MOB3C: variants seen among roughly 807,000 people sequenced by gnomAD.
The protein encoded by MOB3C is MOB1, Mps One Binder kinase activator-like 2C.
MOB3C carries 17 observed loss-of-function variants against 19.8 expected under a neutral mutation model. That is an observed-to-expected ratio of 0.86 (90% CI 0.59 to 1.29). MOB3C has a LOEUF of 1.29. MOB3C is among the 50% of genes most tolerant of loss of function. The pLI is 0.00. For missense variants in MOB3C, 291 were observed against 301.9 expected (o/e 0.96, Z 0.27); for synonymous variants, 101 against 119.2 (o/e 0.85, Z 0.99).
rs1675473501 is a variant in MOB3C, at chr1:46,611,836, A to G, written c.418+1068T>C. On this transcript the variant is annotated intron_variant, in intron 2 of 3. Coordinates refer to ENST00000319928, the MANE Select transcript of MOB3C (RefSeq NM_201403.3). The surrounding 1 kb of genome is among the most constrained non-coding windows in gnomAD (Gnocchi z 4.1). ...ATGACAGTGCAAGAAACAGCAGGCC[A>G]CTGGCTGGGGAGGAGCCGTGGGCAT... Among the ~76,000 whole-genome samples, 2 of 152,180 alleles carry G rather than the reference A, an allele frequency of 1.3e-5. No homozygotes were observed. The highest frequency in any genetic ancestry group is 2.9e-5 in the Non-Finnish European group (2 of 68,030).
At chr1:46,614,807 CT>C (rs1675533441) in intron 1 of MOB3C, 2 of 579,032 alleles carry the variant, frequency 3.5e-6, no homozygotes, top group Non-Finnish European at 6.1e-6. Context: ...AGGGGTATTA[CT>C]TCTGGCAAGA....
chr1:46,613,019 C>T lies in MOB3C; in HGVS notation c.303G>A (p.Gln101=), dbSNP rs1241832543. 19 of 1,613,566 alleles carry T rather than the reference C, an allele frequency of 1.2e-5. No individual in the cohort carries two copies. The highest frequency in any genetic ancestry group is 6.7e-5 in the Admixed American group (4 of 59,980). The stretch of plus-strand genomic sequence containing the variant: ...CGGGCCGCCGGTACTGGCGCTCGTC[C>T]TGCCAGCGGTACTCGTAGCGGGGCC... ...AGGPRYEYRW[Q]DERQYRRPAK... is the part of the protein sequence containing the mutation. The change falls in exon 2 of 4, where the codon CAG becomes CAA. Residue 101 remains glutamine (Q), a synonymous_variant. Transcript: ENST00000319928.
chr1:46,615,447 C>G (rs80159866), intron 1 of MOB3C: 3,451 of 228,422 alleles, frequency 0.015, 69 homozygotes, highest in African/African-American at 0.047. Context: ...TCATTGCAGT[C>G]TCCACTCCAT....
chr1:46,609,400 C>T lies in MOB3C; in HGVS notation c.*255G>A, dbSNP rs1430222150. 3.4e-6 allele frequency: 2 copies of T among 581,816 alleles called. No individual in the cohort carries two copies. Among genetic ancestry groups the T allele is most frequent in the Non-Finnish European group, 6.2e-6 (2 of 324,746 alleles). The allele number at this position is 581,816 out of a possible 1,614,324, so 36.0% of individuals were successfully genotyped here. ...CATAGAAGAAACCCCCTAGCCTACCCTACTCCCAGACTTCATGCCAGAGGT... is the reference window on the plus strand; with the variant it reads ...CATAGAAGAAACCCCCTAGCCTACCTTACTCCCAGACTTCATGCCAGAGGT... On this transcript the variant is annotated 3_prime_UTR_variant, in exon 4 of 4. Coordinates refer to ENST00000319928, the MANE Select transcript of MOB3C (RefSeq NM_201403.3).
chr1:46,609,807 C>A, intron 3 of MOB3C, 123 bp from the exon 4 acceptor site: 1 of 1,392,120 alleles, frequency 7.2e-7, no homozygotes, highest in Non-Finnish European at 9.9e-7. Flanking sequence ...AACCCCAACT[C>A]TTAGGCTGCA....
rs1200684900 is a variant in MOB3C at position 46,608,055 on chromosome 1, C to T, written c.*1600G>A. 1 of 152,274 alleles carries T rather than the reference C, an allele frequency of 6.6e-6. No individual in the cohort carries two copies. The highest frequency in any genetic ancestry group is 1.5e-5 in the Non-Finnish European group (1 of 68,078). 9.4% of individuals were successfully genotyped at this position (152,274 alleles called of 1,614,324 possible). On this transcript the variant is annotated 3_prime_UTR_variant, in exon 4 of 4. Coordinates refer to ENST00000319928, the MANE Select transcript of MOB3C (RefSeq NM_201403.3). The surrounding 1 kb of genome is among the most constrained non-coding windows in gnomAD (Gnocchi z 4.5). ...TTGGATGCTTGGCTCAGGAAACAACCCCAGCCAACCCAAGGGGCAGTGGGA... is the reference window on the plus strand; with the variant it reads ...TTGGATGCTTGGCTCAGGAAACAACTCCAGCCAACCCAAGGGGCAGTGGGA...
chr1:46,610,143 T>C lies in MOB3C; in HGVS notation c.480A>G (p.Arg160=). Residue 160 remains arginine (R), a synonymous_variant, in exon 3 of 4, where the codon CGA becomes CGG. Coordinates refer to ENST00000319928, the MANE Select transcript of MOB3C (RefSeq NM_201403.3). ...VCTKILTRLF[R]VFVHVYIHHF... is the part of the protein sequence containing the mutation. ...GGTGGATGTAGACATGGACAAAGAC[T>C]CGGAAGAGGCGGGTCAGGATCTTGG... 1 of 1,614,070 alleles carries C rather than the reference T, an allele frequency of 6.2e-7. No individual in the cohort carries two copies. The highest frequency in any genetic ancestry group is 8.5e-7 in the Non-Finnish European group (1 of 1,180,016).
rs1381725443 is a variant in MOB3C at position 46,611,983 on chromosome 1, TGGG to T, written c.418+918_418+920del. Reference sequence around the variant, plus strand: ...CTGCAGAGATGAGCTCCAGGCCAGGTGGGGGCTGGGCCCAGCTACAGGTGCGGC... The same window carrying T: ...CTGCAGAGATGAGCTCCAGGCCAGGTGGCTGGGCCCAGCTACAGGTGCGGC... On this transcript the variant is annotated intron_variant, in intron 2 of 3. Transcript: ENST00000319928. This position sits in a 1 kb window ranked among gnomAD's most constrained non-coding sequence, Gnocchi z 4.1. Among the ~76,000 whole-genome samples the T allele has an allele frequency of 6.6e-6, 1 of 152,108 alleles. No homozygotes were observed. Among genetic ancestry groups the T allele is most frequent in the African/African-American group, 2.4e-5 (1 of 41,410 alleles).
chr1:46,616,725 C>T lies in MOB3C; in HGVS notation c.-65G>A, dbSNP rs1675567807. On this transcript the variant is annotated 5_prime_UTR_variant, in exon 1 of 4. Coordinates refer to ENST00000319928, the MANE Select transcript of MOB3C (RefSeq NM_201403.3). ...CGCACACTCACGGGTCCTCTTCTGG[C>T]CGTGGGGTCACATTCCCAGCCACAG... 1 of 152,350 alleles carries T rather than the reference C, an allele frequency of 6.6e-6. No homozygotes were observed. Among genetic ancestry groups the T allele is most frequent in the African/African-American group, 2.4e-5 (1 of 41,440 alleles). 9.4% of individuals were successfully genotyped at this position (152,350 alleles called of 1,614,324 possible). A position where few individuals can be genotyped will look rare whatever the true frequency, so the allele number is the denominator to read the frequency against.
At position 46,613,206 on chromosome 1, in the gene MOB3C, T is replaced by C. The variant is rs774496217; in HGVS notation, c.116A>G (p.Lys39Arg). 8.1e-6 allele frequency: 13 copies of C among 1,614,102 alleles called. No individual in the cohort carries two copies. In the South Asian group the frequency reaches 1.1e-4, roughly 14 times the overall value. Reference protein sequence around the residue: ...ELYKKAQASLKSGLDLRSVVR... With the variant: ...ELYKKAQASLRSGLDLRSVVR... ...CACACTGCGCAGGTCCAGGCCCGAC[T>C]TGAGAGAGGCCTGTGCCTTCTTGTA... Residue 39 changes from lysine (K) to arginine (R), a missense_variant, in exon 2 of 4, where the codon AAG (lysine) becomes AGG (arginine). By Grantham distance (26) the Lys-to-Arg change is conservative. Coordinates refer to ENST00000319928, the MANE Select transcript of MOB3C (RefSeq NM_201403.3).
At chr1:46,612,768 GTT>G (rs1675490123) in intron 2 of MOB3C, 134 bp downstream of exon 2, 26 of 860,644 alleles carry the variant, frequency 3.0e-5, no homozygotes, top group Non-Finnish European at 4.0e-5. Context: ...CACTTAACCT[GTT>G]TCAACCTCGC....
At chr1:46,610,645 A>C (rs902044388) in intron 2 of MOB3C, among the ~76,000 whole-genome samples, 1 of 152,138 alleles carries the variant, frequency 6.6e-6, no homozygotes, top group African/African-American at 2.4e-5. Context: ...GTCCTCCTAA[A>C]TGCTGGGATT....
At chr1:46,609,739 C>A in intron 3 of MOB3C, 55 bp from the exon 4 acceptor site, 1 of 1,607,358 alleles carries the variant, frequency 6.2e-7, no homozygotes, top group South Asian at 1.1e-5. Flanking sequence ...ACTAGGCAAT[C>A]CCTTCCCAAA....
Position 46,613,285 on chromosome 1 carries a change from T to G in MOB3C, c.37A>C (p.Lys13Gln). ...AAGCGCTTCCGCGGCCGGAACGTCT[T>G]GTCCTTGGCGAACACCTGCTTCAGG... Reference protein sequence around the residue: ...LCLKQVFAKDKTFRPRKRFEP... With the variant: ...LCLKQVFAKDQTFRPRKRFEP... The change falls in exon 2 of 4, where the codon AAG (lysine) becomes CAG (glutamine). Residue 13 changes from lysine to glutamine, a missense_variant. Coordinates refer to ENST00000319928, the MANE Select transcript of MOB3C (RefSeq NM_201403.3). 6.2e-7 allele frequency: 1 copy of G among 1,609,994 alleles called. No individual in the cohort carries two copies. The highest frequency in any genetic ancestry group is 8.5e-7 in the Non-Finnish European group (1 of 1,180,014).
chr1:46,610,360 C>T (rs1402885054), intron 2 of MOB3C, among the ~76,000 whole-genome samples, 156 bp from the exon 3 acceptor site: 2 of 152,184 alleles, frequency 1.3e-5, no homozygotes, highest in East Asian at 3.8e-4. Context: ...TTGACTTTCT[C>T]CCATACTTTT....
In MOB3C at chr1:46,608,923, A is replaced by G. The variant is rs1024273737; in HGVS notation, c.*732T>C. On this transcript the variant is annotated 3_prime_UTR_variant, in exon 4 of 4. Transcript: ENST00000319928. The surrounding 1 kb of genome is among the most constrained non-coding windows in gnomAD (Gnocchi z 4.5). ...GTGTCTGCAGTGGGTCGGTTTAGGA[A>G]CTCAAGGCAAGGCTCCTCTTCCTAC... The G allele has an allele frequency of 1.3e-5, 2 of 152,928 alleles. No individual in the cohort carries two copies. Among genetic ancestry groups the G allele is most frequent in the Non-Finnish European group, 2.9e-5 (2 of 68,500 alleles). 9.5% of individuals were successfully genotyped at this position (152,928 alleles called of 1,614,324 possible).
rs1557915347 is a variant in MOB3C, at chr1:46,610,108, CT to C, written c.514del (p.Ser172AlafsTer36). 2 of 1,614,170 alleles carry C rather than the reference CT, an allele frequency of 1.2e-6. No individual in the cohort carries two copies. Among genetic ancestry groups the C allele is most frequent in the Non-Finnish European group, 1.7e-6 (2 of 1,180,036 alleles). On this transcript the variant is annotated frameshift_variant, in exon 3 of 4. Transcript: ENST00000319928. LOFTEE classifies it high-confidence loss of function. ...CGCCTCTGCCCCCATGCTGAGGATG[CT>C]ATCGAAGTGGTGGATGTAGACATGG... ...FVHVYIHHFD[S>X]ILSMGAEAHV...
intron 1 of MOB3C, chr1:46,614,586 C>T (rs1295333247): frequency 2.9e-5 from 6 of 205,948 alleles, no homozygotes; most frequent in Non-Finnish European, 5.8e-5. Flanking sequence ...CCTGGCTGAC[C>T]TCTGACCTGG....
chr1:46,610,717 T>C (rs554749157), intron 2 of MOB3C, among the ~76,000 whole-genome samples: 1 of 152,358 alleles, frequency 6.6e-6, no homozygotes, highest in South Asian at 2.1e-4. Context: ...AATCTGACTG[T>C]GGCTCTCCCC....
Sources: gnomAD v4.1 joint callset for allele counts (sites outside exome capture counted in the v4.1 genomes callset) on GRCh38, gnomAD v4.1.1 for gene constraint, Gnocchi (gnomAD v3.1) non-coding constraint, MANE v1.5 for transcripts, NCBI Gene and HGNC (gene_info 2026-07-23, HGNC 2026-07-21) for gene names.